DRC3: variants seen among roughly 807,000 people sequenced by gnomAD.
DRC3 encodes the protein dynein regulatory complex subunit 3.
A neutral mutation model predicts 57.6 loss-of-function variants in DRC3; 45 were observed. The ratio of observed to expected loss-of-function variants is 0.78; its 90% CI spans 0.62 to 1.00. DRC3 has a LOEUF of 1.00. Among genes scored for constraint, DRC3 ranks in the 50% least tolerant of loss-of-function variants. DRC3 has a pLI of 0.00. For synonymous variants in DRC3, 257 were observed against 272.3 expected (o/e 0.94, Z 0.55); for missense variants, 655 against 675.2 (o/e 0.97, Z 0.33).
chr17:18,015,206 A>T (rs1341783056), intron 12 of DRC3: 2 of 152,220 alleles, frequency 1.3e-5, no homozygotes, highest in Admixed American at 1.3e-4. Context: ...AGAAATATTA[A>T]CATCTTAAGA....
At position 18,008,989 on chromosome 17, in the gene DRC3, C is replaced by T. The variant is rs1314244669; in HGVS notation, c.1326+1842C>T. ...CCAGCCCTCCCTCCAGCCCAGCTGG[C>T]TCTGCCTGGTGCCAGCTGACCACCA... is the stretch of plus-strand genomic sequence containing the variant. On this transcript the variant is annotated intron_variant, in intron 12 of 13. Coordinates refer to ENST00000399187, the MANE Select transcript of DRC3 (RefSeq NM_031294.4). This position sits in a 1 kb window ranked among gnomAD's most constrained non-coding sequence, Gnocchi z 4.3. Among the ~76,000 whole-genome samples, 2 of 152,238 alleles carry T rather than the reference C, an allele frequency of 1.3e-5. No individual in the cohort carries two copies. Among genetic ancestry groups the T allele is most frequent in the Non-Finnish European group, 2.9e-5 (2 of 68,038 alleles).
chr17:18,002,024 T>C (rs2043755282), intron 9 of DRC3, among the ~76,000 whole-genome samples: 1 of 152,034 alleles, frequency 6.6e-6, no homozygotes, highest in African/African-American at 2.4e-5. Flanking sequence ...AAAAATTCAC[T>C]GGGCATGGTG....
rs2043866652 is a variant in DRC3 at position 18,004,355 on chromosome 17, G to A, written c.1000-8G>A. The A allele has an allele frequency of 1.3e-6, 2 of 1,596,864 alleles. No homozygotes were observed. The highest frequency in any genetic ancestry group is 1.7e-6 in the Non-Finnish European group (2 of 1,170,854). The stretch of plus-strand genomic sequence containing the variant: ...GTTGATTCCTAAAGTGCAGTCTATT[G>A]TTTCTAGAGTTTAAGTGCCATTCGA... On this transcript the variant is annotated splice_region_variant and splice_polypyrimidine_tract_variant and intron_variant, in intron 9 of 13. Coordinates refer to ENST00000399187, the MANE Select transcript of DRC3 (RefSeq NM_031294.4).
chr17:17,993,399 T>C (rs1006926751), intron 6 of DRC3: 2 of 153,476 alleles, frequency 1.3e-5, no homozygotes, highest in African/African-American at 4.8e-5. Flanking sequence ...GGTAGAAGAA[T>C]CGCTTGAGAC....
intron 3 of DRC3, chr17:17,981,439 G>T: frequency 6.2e-6 from 1 of 161,046 alleles, no homozygotes; most frequent in South Asian, 1.7e-4. Context: ...GAGGTAAGGG[G>T]AGGGCGGGCA....
intron 9 of DRC3, 58 bp downstream of exon 9, chr17:17,997,692 T>C: frequency 6.9e-7 from 1 of 1,459,092 alleles, no homozygotes; most frequent in Non-Finnish European, 9.1e-7. Context: ...CTCCCTGCTC[T>C]TGCCACTCCC....
At chr17:17,982,804 G>A (rs567528880) in intron 3 of DRC3, among the ~76,000 whole-genome samples, 1 of 146,310 alleles carries the variant, frequency 6.8e-6, no homozygotes, top group African/African-American at 2.5e-5. Flanking sequence ...TCGATCTCTT[G>A]AACTTGTGAT....
intron 11 of DRC3, chr17:18,006,493 C>T: frequency 5.3e-6 from 3 of 564,000 alleles, no homozygotes; most frequent in Non-Finnish European, 9.5e-6. Context: ...AATGACGCCC[C>T]CTGTGTTGCA....
Position 18,016,724 on chromosome 17 carries a change from G to C in DRC3, c.*53G>C, listed in dbSNP as rs2044379236. On this transcript the variant is annotated 3_prime_UTR_variant, in exon 14 of 14. Transcript: ENST00000399187. ...AAAACATAGCACCAGCCCCAGCCAG[G>C]AGAAGGAAGTGCACACGCCTCACCC... The C allele has an allele frequency of 1.6e-6, 2 of 1,237,314 alleles. No homozygotes were observed. Among genetic ancestry groups the C allele is most frequent in the South Asian group, 2.5e-5 (2 of 80,300 alleles). 76.6% of individuals were successfully genotyped at this position (1,237,314 alleles called of 1,614,324 possible).
intron 9 of DRC3, among the ~76,000 whole-genome samples, chr17:18,003,730 C>A (rs373152652): frequency 5.4e-5 from 8 of 148,018 alleles, no homozygotes; most frequent in African/African-American, 2.0e-4. Context: ...GCAAGCCCCA[C>A]CTCCCAGGTT....
intron 1 of DRC3, 98 bp downstream of exon 1, chr17:17,973,072 C>T (rs2042204278): frequency 6.6e-6 from 1 of 151,844 alleles, no homozygotes; most frequent in African/African-American, 2.4e-5. Context: ...AACGCCGGCC[C>T]GGCCCTTCTC....
At chr17:18,003,637 CTTTTTTT>C (rs758041562) in intron 9 of DRC3, among the ~76,000 whole-genome samples, 3 of 103,920 alleles carry the variant, frequency 2.9e-5, no homozygotes, top group Non-Finnish European at 1.9e-5. Flanking sequence ...TTTTAAGTAT[CTTTTTTT>C]TTTTTTTTTT....
chr17:18,014,105 G>T (rs1354883275), intron 12 of DRC3, among the ~76,000 whole-genome samples: 1 of 151,916 alleles, frequency 6.6e-6, no homozygotes, highest in Admixed American at 6.6e-5. Flanking sequence ...GCTAATTTTT[G>T]TATTTTTATT....
Position 18,016,223 on chromosome 17 carries a change from G to A in DRC3, c.1458+28G>A, listed in dbSNP as rs2044358657. On this transcript the variant is annotated intron_variant, in intron 13 of 13. Transcript: ENST00000399187. The stretch of plus-strand genomic sequence containing the variant: ...GAGTCAATCCCAAGCCATCCTAGCA[G>A]GCTGGATGAACTTTTCTAGCTGACA... 2.5e-6 allele frequency: 4 copies of A among 1,605,970 alleles called. No individual in the cohort carries two copies. The East Asian group carries it at 9.0e-5, about 36-fold the overall frequency.
intron 3 of DRC3, among the ~76,000 whole-genome samples, chr17:17,982,247 G>A (rs1279698841): frequency 4.4e-5 from 6 of 137,372 alleles, no homozygotes; most frequent in South Asian, 2.3e-4. Flanking sequence ...ATGGAGTCTC[G>A]CTCTGTCGCC....
chr17:17,987,321 G>A (rs1301553874), intron 4 of DRC3, among the ~76,000 whole-genome samples: 3 of 151,994 alleles, frequency 2.0e-5, no homozygotes, highest in Middle Eastern at 3.4e-3. Context: ...AGCTGTGATG[G>A]AGCTGGAGGA....
intron 3 of DRC3, among the ~76,000 whole-genome samples, chr17:17,980,532 C>G (rs1209954317): frequency 6.6e-6 from 1 of 150,906 alleles, no homozygotes; most frequent in East Asian, 2.0e-4. Flanking sequence ...TGAGCTCAGG[C>G]AATCTGCCTG....
intron 12 of DRC3, chr17:18,011,663 C>T: frequency 4.8e-6 from 1 of 206,716 alleles, no homozygotes; most frequent in South Asian, 9.1e-5. Context: ...TTTGCCAAGG[C>T]CACCTTTGAT....
chr17:18,007,553 T>G (rs2044025395), intron 12 of DRC3: 4 of 1,518,846 alleles, frequency 2.6e-6, no homozygotes, highest in Non-Finnish European at 8.9e-7. Flanking sequence ...CCACCATTTC[T>G]GATCCTGCAC....
Sources: gnomAD v4.1 joint callset for allele counts (sites outside exome capture counted in the v4.1 genomes callset) on GRCh38, gnomAD v4.1.1 for gene constraint, Gnocchi (gnomAD v3.1) non-coding constraint, MANE v1.5 for transcripts, NCBI Gene and HGNC (gene_info 2026-07-23, HGNC 2026-07-21) for gene names.